Variants in CPNE4 observed in about 807,000 individuals in gnomAD.
The protein encoded by CPNE4 is copine 4.
CPNE4 carries 25 observed loss-of-function variants against 67.9 expected under a neutral mutation model. The observed-to-expected ratio is 0.37, with a 90% CI of 0.27 to 0.51. The LOEUF (loss-of-function observed/expected upper bound fraction) is 0.51. Among genes scored for constraint, CPNE4 ranks in the 20% least tolerant of loss-of-function variants. The pLI is 0.93. For missense variants in CPNE4, 464 were observed against 690.8 expected, an observed-to-expected ratio of 0.67 and a Z score of 3.68; for synonymous variants, 242 against 244.9, an observed-to-expected ratio of 0.99 and a Z score of 0.11.
chr3:131,953,247 A>AATAAAT (rs2071829042), intron 1 of CPNE4, among the ~76,000 whole-genome samples: 1 of 92,550 alleles, frequency 1.1e-5, no homozygotes, highest in Non-Finnish European at 2.9e-5. Flanking sequence ...ATTAAAAAAA[A>AATAAAT]AAAAAAAAAA....
chr3:131,805,097 T>C (rs1296579782), intron 2 of CPNE4, among the ~76,000 whole-genome samples: 1 of 152,196 alleles, frequency 6.6e-6, no homozygotes. Flanking sequence ...AGAATTCTTA[T>C]TGCCCATTCT....
chr3:131,950,502 T>C (rs1583498812), intron 1 of CPNE4, among the ~76,000 whole-genome samples: 1 of 152,356 alleles, frequency 6.6e-6, no homozygotes, highest in South Asian at 2.1e-4. Context: ...AGGCAGAGTT[T>C]TGCCTTGTTC....
At chr3:131,686,535 C>T (rs1041028292) in intron 5 of CPNE4, among the ~76,000 whole-genome samples, 8 of 152,146 alleles carry the variant, frequency 5.3e-5, no homozygotes, top group African/African-American at 1.9e-4. Flanking sequence ...GAGAAGTCTC[C>T]TGAATCCAAT....
intron 2 of CPNE4, among the ~76,000 whole-genome samples, chr3:131,865,291 C>A (rs1407406649): frequency 6.6e-6 from 1 of 152,128 alleles, no homozygotes. Context: ...GTACCAGCTC[C>A]TCCTTGTACC....
chr3:131,890,205 C>T (rs2088055082), intron 2 of CPNE4, among the ~76,000 whole-genome samples: 1 of 151,796 alleles, frequency 6.6e-6, no homozygotes, highest in African/African-American at 2.4e-5. Flanking sequence ...GAATTAATTT[C>T]TAAAATATAT....
rs546410070 is a variant in CPNE4, at chr3:131,824,964, T to C, written c.180+80300A>G. ...CTAGTCCTGTTCTCATAAAATGTGA[T>C]ACTTGAACTTCCACCATCAATGGAG... is the stretch of plus-strand genomic sequence containing the variant. On this transcript the variant is annotated intron_variant, in intron 2 of 15. Transcript: ENST00000429747. Among the ~76,000 whole-genome samples the C allele has an allele frequency of 1.1e-4, 16 of 152,254 alleles. 1 individual carries two copies. In the South Asian group the frequency reaches 2.9e-3, roughly 28 times the overall value.
intron 2 of CPNE4, among the ~76,000 whole-genome samples, chr3:131,745,088 A>G (rs1393557057): frequency 1.3e-5 from 2 of 152,200 alleles, no homozygotes; most frequent in Non-Finnish European, 2.9e-5. Flanking sequence ...AATCTCCAAC[A>G]GCATTTGCTG....
intron 1 of CPNE4, among the ~76,000 whole-genome samples, chr3:131,957,140 C>A (rs1044127697): frequency 2.0e-5 from 3 of 152,192 alleles, no homozygotes; most frequent in African/African-American, 7.2e-5. Context: ...CAGTGAGAAA[C>A]TGCTGACGTC....
At chr3:131,881,573 A>C (rs1354313039) in intron 2 of CPNE4, among the ~76,000 whole-genome samples, 2 of 151,890 alleles carry the variant, frequency 1.3e-5, no homozygotes, top group African/African-American at 4.8e-5. Context: ...TATTCACTAA[A>C]CTACAATCTG....
rs370102471 is a variant in CPNE4, at chr3:131,979,607, A to T, written c.-2+54960T>A. On this transcript the variant is annotated intron_variant, in intron 1 of 15. Coordinates refer to ENST00000429747, the MANE Select transcript of CPNE4 (RefSeq NM_130808.3). The stretch of plus-strand genomic sequence containing the variant: ...TAGGTGAGTCTCCTGAAGGCAGCAG[A>T]TGGTTGGTTCGTGACTTTTTATCCA... Among the ~76,000 whole-genome samples the T allele has an allele frequency of 3.3e-4, 50 of 152,254 alleles. 2 individuals are homozygous for T. The South Asian group carries it at 0.01, about 31-fold the overall frequency.
chr3:131,961,393 C>T (rs2072169417), intron 1 of CPNE4, among the ~76,000 whole-genome samples: 1 of 152,144 alleles, frequency 6.6e-6, no homozygotes, highest in South Asian at 2.1e-4. Context: ...AACTCTGGTT[C>T]CCTCCCAGTG....
intron 1 of CPNE4, among the ~76,000 whole-genome samples, chr3:131,942,451 TGTGTGTGTGTGTGAGAGAGAGAGAGA>T (rs1337864427): frequency 6.4e-5 from 4 of 62,448 alleles, no homozygotes; most frequent in Admixed American, 2.2e-4. Flanking sequence ...TGTGTGTGTG[TGTGTGTGTGTGTGAGAGAGAGAGAGA>T]GAGAGAGAGA....
At chr3:131,850,031 T>G (rs2086174215) in intron 2 of CPNE4, among the ~76,000 whole-genome samples, 1 of 152,172 alleles carries the variant, frequency 6.6e-6, no homozygotes, top group African/African-American at 2.4e-5. Flanking sequence ...TATATTCTAT[T>G]GTGTATAAAA....
chr3:131,703,727 T>C (rs2081356874), intron 3 of CPNE4, among the ~76,000 whole-genome samples: 1 of 152,186 alleles, frequency 6.6e-6, no homozygotes, highest in Non-Finnish European at 1.5e-5. Context: ...TTTCAGAATT[T>C]TTTTTATATT....
At chr3:131,835,869 C>T (rs1198306963) in intron 2 of CPNE4, among the ~76,000 whole-genome samples, 1 of 152,156 alleles carries the variant, frequency 6.6e-6, no homozygotes, top group Non-Finnish European at 1.5e-5. Context: ...AGAACTACCC[C>T]AGTCCCTCAC....
chr3:131,587,609 TAAAA>T, intron 7 of CPNE4, 27 bp from the exon 8 acceptor site: 2 of 1,534,868 alleles, frequency 1.3e-6, no homozygotes, highest in African/African-American at 1.4e-5. Context: ...TGATCTTTCT[TAAAA>T]AATTAAGAAT....
intron 7 of CPNE4, among the ~76,000 whole-genome samples, chr3:131,650,702 G>A (rs12637934): frequency 0.14 from 17,200 of 124,446 alleles, 1,013 homozygotes; most frequent in African/African-American, 0.25. Context: ...CCGAGATCGC[G>A]CCACTGCACT....
At chr3:132,037,419 C>T, upstream of CPNE4, 2 of 667,470 alleles carry the variant, frequency 3.0e-6, no homozygotes, top group South Asian at 1.8e-5. Flanking sequence ...ATGAAATCAA[C>T]AGCTCATCTG....
chr3:131,776,946 G>T (rs533911024), intron 2 of CPNE4, among the ~76,000 whole-genome samples: 5 of 152,220 alleles, frequency 3.3e-5, no homozygotes, highest in Admixed American at 3.3e-4. Flanking sequence ...AATTCATTAC[G>T]TTATATATCA....
Sources: allele counts gnomAD v4.1 joint callset (sites outside exome capture counted in the v4.1 genomes callset), GRCh38; gene constraint gnomAD v4.1.1; transcripts MANE v1.5; gene names NCBI Gene and HGNC (gene_info 2026-07-23, HGNC 2026-07-21).